Variants in OPRK1 observed in about 807,000 individuals in gnomAD.
The protein encoded by OPRK1 is opioid receptor kappa 1, also known as kappa-type opioid receptor.
Under a neutral mutation model 24.5 loss-of-function variants are expected in OPRK1, and 15 were observed. The observed-to-expected ratio is 0.61, with a 90% CI of 0.41 to 0.94. The LOEUF is 0.94. OPRK1 is among the 40% of genes least tolerant of loss of function. The pLI, the probability that OPRK1 is intolerant of heterozygous loss-of-function variation, is 0.00. For synonymous variants in OPRK1, 205 were observed against 198.0 expected (o/e 1.04, Z -0.30); for missense variants, 479 against 507.3 (o/e 0.94, Z 0.54).
intron 3 of OPRK1, among the ~76,000 whole-genome samples, chr8:53,231,035 A>G (rs150531979): frequency 2.0e-5 from 3 of 152,190 alleles, no homozygotes; most frequent in South Asian, 2.1e-4. Context: ...AAGGATATAA[A>G]CATTTTTGAC....
At position 53,234,123 on chromosome 8, in the gene OPRK1, G is replaced by T. The variant is rs142729253; in HGVS notation, c.610+636C>A. Among the ~76,000 whole-genome samples, 76 of 145,402 alleles carry T rather than the reference G, an allele frequency of 5.2e-4. No individual in the cohort carries two copies. The East Asian group carries it at 0.015, about 28-fold the overall frequency. ...AGGTTGAACCCGGGAGGCAGAGGTTGCAGTGAGCCGATATCGCGCCACTGC... is the reference window on the plus strand; with the variant it reads ...AGGTTGAACCCGGGAGGCAGAGGTTTCAGTGAGCCGATATCGCGCCACTGC... On this transcript the variant is annotated intron_variant, in intron 3 of 3. Transcript: ENST00000265572.
intron 3 of OPRK1, among the ~76,000 whole-genome samples, chr8:53,231,973 C>T (rs1806864392): frequency 6.6e-6 from 1 of 152,116 alleles, no homozygotes. Context: ...TTAACAACAG[C>T]TACTTTACAA....
intron 2 of OPRK1, among the ~76,000 whole-genome samples, chr8:53,243,740 A>T (rs1159393750): frequency 6.6e-6 from 1 of 152,234 alleles, no homozygotes; most frequent in Non-Finnish European, 1.5e-5. Context: ...ATAATTTCTG[A>T]AGTTATTTTT....
At position 53,229,323 on chromosome 8, in the gene OPRK1, T is replaced by C. The variant is rs1411845698; in HGVS notation, c.1117A>G (p.Ile373Val). The change falls in exon 4 of 4, where the codon ATC (isoleucine) becomes GTC (valine). Residue 373 changes from isoleucine to valine, a missense_variant. Ile to Val is a conservative substitution (Grantham distance 29, BLOSUM62 3). Transcript: ENST00000265572. ...TVQDPAYLRD[I>V]DGMNKPV is the part of the protein sequence containing the mutation. Reference sequence around the variant, plus strand: ...CATACTGGTTTATTCATCCCATCGATGTCCCTCAGGTAAGCAGGATCCTGA... The same window carrying C: ...CATACTGGTTTATTCATCCCATCGACGTCCCTCAGGTAAGCAGGATCCTGA... 3.1e-6 allele frequency: 5 copies of C among 1,614,028 alleles called. No homozygotes were observed. The highest frequency in any genetic ancestry group is 1.3e-5 in the African/African-American group (1 of 75,054).
rs187991420 is a variant in OPRK1, at chr8:53,246,252, A to T, written c.257+4529T>A. Among the ~76,000 whole-genome samples the T allele has an allele frequency of 7.7e-4, 117 of 152,284 alleles. No individual in the cohort carries two copies. The Middle Eastern group carries it at 0.01, about 13-fold the overall frequency. On this transcript the variant is annotated intron_variant, in intron 2 of 3. Coordinates refer to ENST00000265572, the MANE Select transcript of OPRK1 (RefSeq NM_000912.5). ...GTCACCCAAGCATGCCAGACCCTCC[A>T]CACAAGCCAAGTGAAAGTGGCCTAA... is the stretch of plus-strand genomic sequence containing the variant.
chr8:53,248,941 A>G (rs1378233016), intron 2 of OPRK1, among the ~76,000 whole-genome samples: 1 of 152,190 alleles, frequency 6.6e-6, no homozygotes. Context: ...TCCCCTTATA[A>G]CACACTTTAG....
intron 2 of OPRK1, among the ~76,000 whole-genome samples, chr8:53,243,616 C>A (rs1055567069): frequency 6.6e-6 from 1 of 152,164 alleles, no homozygotes; most frequent in Non-Finnish European, 1.5e-5. Context: ...ATCACACATC[C>A]CTCAGGGGAG....
rs1162961106 is a variant in OPRK1 at position 53,250,781 on chromosome 8, C to T, written c.257G>A (p.Arg86Gln). The change falls in exon 2 of 4, where the codon CGA (arginine) becomes CAA (glutamine). Residue 86 changes from arginine to glutamine, a missense_variant and splice_region_variant. Transcript: ENST00000265572. ...AGCGCTGCGCTGTCCCCGCGCTCAC[C>T]GGATGATCACGAACATGACCAGCGA... is the stretch of plus-strand genomic sequence containing the variant. The part of the protein sequence containing the change: ...GNSLVMFVII[R>Q]YTKMKTATNI... 6.2e-7 allele frequency: 1 copy of T among 1,604,392 alleles called. No individual in the cohort carries two copies. Among genetic ancestry groups the T allele is most frequent in the Non-Finnish European group, 8.5e-7 (1 of 1,174,900 alleles).
At position 53,229,674 on chromosome 8, in the gene OPRK1, C is replaced by A. The variant is rs202014849; in HGVS notation, c.766G>T (p.Val256Phe). 24 of 1,614,068 alleles carry A rather than the reference C, an allele frequency of 1.5e-5. No individual in the cohort carries two copies. Among genetic ancestry groups the A allele is most frequent in the Non-Finnish European group, 1.9e-5 (23 of 1,180,008 alleles). ...TCTCGGGAGCCAGAAAGGAGCCGGA[C>A]GCTCTTGAGACGCAGGATCATCAGG... ...YTLMILRLKS[V>F]RLLSGSREKD... The change falls in exon 4 of 4, where the codon GTC becomes TTC. Residue 256 changes from valine to phenylalanine, a missense_variant. Transcript: ENST00000265572.
In OPRK1 at chr8:53,229,223, G is replaced by T. The variant is rs1806789394; in HGVS notation, c.*74C>A. Reference sequence around the variant, plus strand: ...TATCTTTTCATGTCAGACTGCAGTAGTGATCTGAGTTAAACCTAGATCATT... The same window carrying T: ...TATCTTTTCATGTCAGACTGCAGTATTGATCTGAGTTAAACCTAGATCATT... On this transcript the variant is annotated 3_prime_UTR_variant, in exon 4 of 4. Coordinates refer to ENST00000265572, the MANE Select transcript of OPRK1 (RefSeq NM_000912.5). 17 of 1,460,738 alleles carry T rather than the reference G, an allele frequency of 1.2e-5. No individual in the cohort carries two copies. In the South Asian group the frequency reaches 2.0e-4, roughly 17 times the overall value. The allele number at this position is 1,460,738 out of a possible 1,614,324, so 90.5% of individuals were successfully genotyped here. A position where few individuals can be genotyped will look rare whatever the true frequency, so the allele number is the denominator to read the frequency against.
intron 2 of OPRK1, among the ~76,000 whole-genome samples, chr8:53,239,102 T>C (rs1807059156): frequency 6.6e-6 from 1 of 152,212 alleles, no homozygotes; most frequent in African/African-American, 2.4e-5. Flanking sequence ...ATTTCAGTTA[T>C]TCTGGGTCTT....
chr8:53,244,195 G>A (rs1162240506), intron 2 of OPRK1, among the ~76,000 whole-genome samples: 1 of 151,074 alleles, frequency 6.6e-6, no homozygotes, highest in African/African-American at 2.5e-5. Flanking sequence ...GCCCAGGGGT[G>A]ACTTGAATGA....
Position 53,229,510 on chromosome 8 carries a change from G to T in OPRK1, c.930C>A (p.Ser310=). The T allele has an allele frequency of 6.2e-7, 1 of 1,614,206 alleles. No individual in the cohort carries two copies. The highest frequency in any genetic ancestry group is 1.3e-5 in the African/African-American group (1 of 75,066). The part of the protein sequence containing the change: ...GSTSHSTAAL[S]SYYFCIALGY... ...CTAAGGCGATGCAGAAGTAATAGCT[G>T]GAGAGAGCAGCTGTGCTGTGGGAGG... Residue 310 remains serine (S), a synonymous_variant, in exon 4 of 4, where the codon TCC becomes TCA. Coordinates refer to ENST00000265572, the MANE Select transcript of OPRK1 (RefSeq NM_000912.5).
chr8:53,230,908 T>C (rs1256336063), intron 3 of OPRK1, among the ~76,000 whole-genome samples: 2 of 152,204 alleles, frequency 1.3e-5, no homozygotes, highest in African/African-American at 2.4e-5. Context: ...AAATAGCACA[T>C]GAATATTTTT....
At position 53,234,961 on chromosome 8, in the gene OPRK1, G is replaced by A; in HGVS notation, c.408C>T (p.Ser136=). Residue 136 remains serine, a synonymous_variant, in exon 3 of 4, where the codon TCC becomes TCT. Coordinates refer to ENST00000265572, the MANE Select transcript of OPRK1 (RefSeq NM_000912.5). ...TGGTGAACATGTTGTAGTAATCAAT[G>A]GAAATTACTATCTTGCACAGCACAT... ...FGDVLCKIVI[S]IDYYNMFTSI... is the part of the protein sequence containing the mutation. 1 of 1,614,126 alleles carries A rather than the reference G, an allele frequency of 6.2e-7. No individual in the cohort carries two copies. The highest frequency in any genetic ancestry group is 8.5e-7 in the Non-Finnish European group (1 of 1,180,020).
In OPRK1 at chr8:53,250,769, C is replaced by T. The variant is rs371712474; in HGVS notation, c.257+12G>A. The T allele has an allele frequency of 6.3e-7, 1 of 1,599,030 alleles. No homozygotes were observed. Among genetic ancestry groups the T allele is most frequent in the African/African-American group, 1.4e-5 (1 of 73,816 alleles). ...CGCCCAGCCCCCAGCGCTGCGCTGT[C>T]CCCGCGCTCACCGGATGATCACGAA... On this transcript the variant is annotated intron_variant, in intron 2 of 3. Coordinates refer to ENST00000265572, the MANE Select transcript of OPRK1 (RefSeq NM_000912.5).
At chr8:53,244,671 G>C (rs115893147) in intron 2 of OPRK1, among the ~76,000 whole-genome samples, 3,862 of 152,270 alleles carry the variant, frequency 0.025, 145 homozygotes, top group African/African-American at 0.088. Flanking sequence ...AAATTTCCTT[G>C]TTTATCCTTA....
chr8:53,229,845 A>G lies in OPRK1; in HGVS notation c.611-16T>C, dbSNP rs773907830. Reference sequence around the variant, plus strand: ...ACATCGACGTCTGGAGGAGGGCAATAAAAACCACAACACAGAAACCTGTTA... The same window carrying G: ...ACATCGACGTCTGGAGGAGGGCAATGAAAACCACAACACAGAAACCTGTTA... On this transcript the variant is annotated splice_polypyrimidine_tract_variant and intron_variant, in intron 3 of 3. Transcript: ENST00000265572. The G allele has an allele frequency of 2.0e-5, 31 of 1,527,922 alleles. No homozygotes were observed. The highest frequency in any genetic ancestry group is 3.5e-6 in the Non-Finnish European group (4 of 1,139,792). The allele number at this position is 1,527,922 out of a possible 1,614,324, so 94.6% of individuals were successfully genotyped here.
rs528026627 is a variant in OPRK1, at chr8:53,227,584, G to A, written c.*1713C>T. The A allele has an allele frequency of 2.6e-5, 4 of 152,114 alleles. No individual in the cohort carries two copies. The South Asian group carries it at 8.3e-4, about 32-fold the overall frequency. 9.4% of individuals were successfully genotyped at this position (152,114 alleles called of 1,614,324 possible). On this transcript the variant is annotated 3_prime_UTR_variant, in exon 4 of 4. Transcript: ENST00000265572. The stretch of plus-strand genomic sequence containing the variant: ...GCAGATAGGAATCTCAATAAAACAA[G>A]AAATACTCAAAAGAGCACTTCATTT...
Sources: gnomAD v4.1 joint callset for allele counts (sites outside exome capture counted in the v4.1 genomes callset) on GRCh38, gnomAD v4.1.1 for gene constraint, MANE v1.5 for transcripts, NCBI Gene and HGNC (gene_info 2026-07-23, HGNC 2026-07-21) for gene names.